The following MACROD2 variants were observed in gnomAD, a reference collection of about 807,000 sequenced individuals.
MACROD2 encodes the protein mono-ADP ribosylhydrolase 2.
A neutral mutation model predicts 70.4 loss-of-function variants in MACROD2; 36 were observed. That is an observed-to-expected ratio of 0.51 (90% CI 0.39 to 0.68). The LOEUF (loss-of-function observed/expected upper bound fraction) is 0.68. MACROD2 is among the 30% of genes least tolerant of loss of function. MACROD2 has a pLI of 0.00. For synonymous variants in MACROD2, 172 were observed against 178.8 expected (o/e 0.96, Z 0.30); for missense variants, 496 against 538.4 (o/e 0.92, Z 0.78).
chr20:15,333,917 G>T (rs73265063), intron 6 of MACROD2, among the ~76,000 whole-genome samples: 3,121 of 151,708 alleles, frequency 0.021, 196 homozygotes, highest in African/African-American at 0.071. Flanking sequence ...ATGGGTCACA[G>T]CTTCAAGAAA....
At chr20:14,066,846 T>C (rs1388635746) in intron 2 of MACROD2, among the ~76,000 whole-genome samples, 2 of 143,656 alleles carry the variant, frequency 1.4e-5, no homozygotes, top group African/African-American at 5.1e-5. Context: ...AGTCTTGCTC[T>C]GTCCGCCCAG....
chr20:14,289,055 A>G (rs936089806), intron 3 of MACROD2, among the ~76,000 whole-genome samples: 4 of 152,112 alleles, frequency 2.6e-5, no homozygotes, highest in Admixed American at 2.6e-4. Flanking sequence ...ACCAGCCCTG[A>G]GGTTAGAAAT....
At chr20:14,194,127 T>A (rs929823311) in intron 3 of MACROD2, among the ~76,000 whole-genome samples, 3 of 152,172 alleles carry the variant, frequency 2.0e-5, no homozygotes, top group Non-Finnish European at 4.4e-5. Flanking sequence ...CTACTCACTC[T>A]TAATGCTCCA....
At chr20:14,662,319 C>T (rs1376137991) in intron 4 of MACROD2, among the ~76,000 whole-genome samples, 1 of 152,054 alleles carries the variant, frequency 6.6e-6, no homozygotes, top group African/African-American at 2.4e-5. Flanking sequence ...CTTCCTTTCA[C>T]CATATACAAA....
intron 8 of MACROD2, among the ~76,000 whole-genome samples, chr20:15,651,687 T>G (rs895457125): frequency 6.6e-6 from 1 of 152,144 alleles, no homozygotes; most frequent in African/African-American, 2.4e-5. Flanking sequence ...ATCTTTCAAC[T>G]CCAGTGGTCC....
At chr20:15,858,116 T>TG (rs1055121424) in intron 8 of MACROD2, among the ~76,000 whole-genome samples, 26 of 86,558 alleles carry the variant, frequency 3.0e-4, no homozygotes, top group African/African-American at 7.7e-4. Flanking sequence ...GCTTGGGCCT[T>TG]GGGAAAAAAA....
At chr20:15,213,773 A>C (rs1487229424) in intron 5 of MACROD2, among the ~76,000 whole-genome samples, 1 of 152,196 alleles carries the variant, frequency 6.6e-6, no homozygotes, top group Non-Finnish European at 1.5e-5. Flanking sequence ...ATAGGCCCAT[A>C]GGCTTTCTCT....
At chr20:14,991,707 G>A (rs889157786) in intron 5 of MACROD2, among the ~76,000 whole-genome samples, 4 of 152,146 alleles carry the variant, frequency 2.6e-5, no homozygotes, top group African/African-American at 9.7e-5. Flanking sequence ...CACTTCTTTG[G>A]GGGAAGATGA....
rs2076586564 is a variant in MACROD2 at position 15,193,690 on chromosome 20, C to T, written c.419-36250C>T. Among the ~76,000 whole-genome samples, 3 of 151,772 alleles carry T rather than the reference C, an allele frequency of 2.0e-5. No individual in the cohort carries two copies. The South Asian group carries it at 6.2e-4, about 32-fold the overall frequency. ...TGGGAGATGAATGATGAATAAATAG[C>T]CTGCCGTCTTGCACGCTGGCTCCCA... On this transcript the variant is annotated intron_variant, in intron 5 of 17. Coordinates refer to ENST00000684519, the MANE Select transcript of MACROD2 (RefSeq NM_001351661.2).
chr20:14,546,563 T>G (rs1292416898), intron 4 of MACROD2, among the ~76,000 whole-genome samples: 1 of 152,180 alleles, frequency 6.6e-6, no homozygotes, highest in Non-Finnish European at 1.5e-5. Flanking sequence ...TATCCACATT[T>G]TCCACTTTTC....
chr20:15,581,769 G>C (rs1458767649), intron 8 of MACROD2, among the ~76,000 whole-genome samples: 1 of 152,194 alleles, frequency 6.6e-6, no homozygotes, highest in African/African-American at 2.4e-5. Context: ...GCTGTTGCCA[G>C]CTCTGCAGTT....
intron 5 of MACROD2, among the ~76,000 whole-genome samples, chr20:14,988,475 T>C (rs2074870224): frequency 6.6e-6 from 1 of 152,092 alleles, no homozygotes; most frequent in East Asian, 1.9e-4. Flanking sequence ...AGGTTTAAAT[T>C]TTGCAGAGGC....
intron 8 of MACROD2, among the ~76,000 whole-genome samples, chr20:15,748,218 A>G (rs1304016267): frequency 6.6e-6 from 1 of 152,146 alleles, no homozygotes; most frequent in Non-Finnish European, 1.5e-5. Flanking sequence ...CCTACAAAGA[A>G]TGGGGCACTG....
chr20:15,269,964 A>G lies in MACROD2; in HGVS notation c.540+39903A>G, dbSNP rs139365308. ...TCTGGTCTCATTTAGGAGAATTTGC[A>G]TTTATGACAAGACTCTAGAAGACTT... is the stretch of plus-strand genomic sequence containing the variant. On this transcript the variant is annotated intron_variant, in intron 6 of 17. Coordinates refer to ENST00000684519, the MANE Select transcript of MACROD2 (RefSeq NM_001351661.2). 1.7e-3 allele frequency among the ~76,000 whole-genome samples: 266 copies of G among 152,246 alleles called. 1 individual carries two copies. The highest frequency in any genetic ancestry group is 6.1e-3 in the African/African-American group (252 of 41,556).
At chr20:14,150,577 GGATT>G (rs1348164847) in intron 3 of MACROD2, among the ~76,000 whole-genome samples, 2 of 151,888 alleles carry the variant, frequency 1.3e-5, no homozygotes, top group Admixed American at 6.6e-5. Context: ...TAGGAAGAAG[GGATT>G]GATTATCTCT....
At chr20:14,253,040 A>G (rs2082025038) in intron 3 of MACROD2, among the ~76,000 whole-genome samples, 1 of 151,930 alleles carries the variant, frequency 6.6e-6, no homozygotes, top group Non-Finnish European at 1.5e-5. Context: ...GAGTGTTGTT[A>G]TACTTCTTGT....
intron 6 of MACROD2, among the ~76,000 whole-genome samples, chr20:15,399,225 A>G (rs1243056320): frequency 6.6e-6 from 1 of 152,038 alleles, no homozygotes; most frequent in Non-Finnish European, 1.5e-5. Context: ...CTAATAGAAT[A>G]CAGTCACCCT....
intron 5 of MACROD2, among the ~76,000 whole-genome samples, chr20:15,026,640 AT>A (rs1356174483): frequency 2.6e-5 from 4 of 152,044 alleles, no homozygotes; most frequent in African/African-American, 9.7e-5. Context: ...GCTTCTGAGT[AT>A]TTACTTATTT....
In MACROD2 at chr20:14,991,733, G is replaced by A. The variant is rs536352375; in HGVS notation, c.419-238207G>A. 2.0e-5 allele frequency among the ~76,000 whole-genome samples: 3 copies of A among 152,342 alleles called. No individual in the cohort carries two copies. In the South Asian group the frequency reaches 6.2e-4, roughly 32 times the overall value. Reference sequence around the variant, plus strand: ...GGGAAGATGAAAGGGTAAGGGTGAAGCAAGGTGACACATTTTAGTTGACAA... The same window carrying A: ...GGGAAGATGAAAGGGTAAGGGTGAAACAAGGTGACACATTTTAGTTGACAA... On this transcript the variant is annotated intron_variant, in intron 5 of 17. Transcript: ENST00000684519.
Sources: allele counts gnomAD v4.1 joint callset (sites outside exome capture counted in the v4.1 genomes callset), GRCh38; gene constraint gnomAD v4.1.1; transcripts MANE v1.5; gene names NCBI Gene and HGNC (gene_info 2026-07-23, HGNC 2026-07-21).